GPHN: variants seen among roughly 807,000 people sequenced by gnomAD.
The protein encoded by GPHN is gephyrin.
In GPHN, 17 loss-of-function variants were observed where a neutral mutation model predicts 95.5. The observed-to-expected ratio is 0.18, with a 90% CI of 0.12 to 0.27. The LOEUF (loss-of-function observed/expected upper bound fraction) is 0.27. Ranked by LOEUF, GPHN falls within the 10% of genes least tolerant of loss-of-function variation. The probability of loss-of-function intolerance (pLI) is 1.00; values close to 1 mark genes in which losing one functional copy is unlikely to be tolerated. For synonymous variants in GPHN, 320 were observed against 322.5 expected (o/e 0.99, Z 0.08); for missense variants, 660 against 978.1 (o/e 0.67, Z 4.34).
chr14:67,656,976 T>A, the GPHN span: 1 of 158,108 alleles, frequency 6.3e-6, no homozygotes, highest in African/African-American at 2.4e-5. Flanking sequence ...GCCTGTAACT[T>A]CGATAGTGCT....
At chr14:67,469,099 G>A in the GPHN span, among the ~76,000 whole-genome samples, 1 of 152,072 alleles carries the variant, frequency 6.6e-6, no homozygotes, top group Non-Finnish European at 1.5e-5. Context: ...GACTGCTGGG[G>A]ATTTATGCTA....
At chr14:67,360,130 G>C in the GPHN span, 1 of 419,636 alleles carries the variant, frequency 2.4e-6, no homozygotes, top group Non-Finnish European at 4.2e-6. Context: ...TCATTCTTCA[G>C]AGGCAAGGAA....
chr14:67,377,017 CT>C, the GPHN span, among the ~76,000 whole-genome samples: 1 of 152,198 alleles, frequency 6.6e-6, no homozygotes, highest in Admixed American at 6.5e-5. Context: ...ACTTTCTGTT[CT>C]TTTGCCCCTG....
chr14:66,875,878 A>G (rs1311737298), intron 4 of GPHN, among the ~76,000 whole-genome samples: 6 of 152,056 alleles, frequency 3.9e-5, no homozygotes, highest in African/African-American at 1.4e-4. Flanking sequence ...TTTAGGACTT[A>G]CACTCAGCTC....
At chr14:66,916,377 T>C (rs68178754) in intron 6 of GPHN, among the ~76,000 whole-genome samples, 47,684 of 151,904 alleles carry the variant, frequency 0.31, 11,652 homozygotes, top group African/African-American at 0.66. Flanking sequence ...TGTCCTCTCC[T>C]TGTAGAGTCA....
At chr14:67,483,210 C>T in the GPHN span, among the ~76,000 whole-genome samples, 19 of 152,094 alleles carry the variant, frequency 1.2e-4, no homozygotes, top group African/African-American at 4.3e-4. Context: ...GAGGTTTCAC[C>T]ATGTTGGCCA....
the GPHN span, among the ~76,000 whole-genome samples, chr14:67,359,253 T>C: frequency 1.3e-5 from 2 of 152,226 alleles, no homozygotes; most frequent in Non-Finnish European, 2.9e-5. Context: ...AGAGCATTTA[T>C]TAAAACCTCC....
At chr14:67,586,855 C>T in the GPHN span, 217 of 1,506,444 alleles carry the variant, frequency 1.4e-4, 1 homozygote, top group African/African-American at 2.8e-3. Context: ...CAGAAGGGCA[C>T]TGTGCATCTG....
chr14:67,695,923 T>C, the GPHN span: 3 of 560,526 alleles, frequency 5.4e-6, no homozygotes, highest in Non-Finnish European at 9.5e-6. Context: ...CCCAACCATC[T>C]AGGGCTTAGG....
intron 8 of GPHN, among the ~76,000 whole-genome samples, chr14:66,931,727 CTTAG>C (rs1363561053): frequency 6.6e-6 from 1 of 152,128 alleles, no homozygotes; most frequent in Non-Finnish European, 1.5e-5. Flanking sequence ...ATTTCAGTCT[CTTAG>C]TTAAATTTAT....
chr14:67,728,299 T>C, the GPHN span: 2 of 152,270 alleles, frequency 1.3e-5, no homozygotes, highest in South Asian at 4.1e-4. Flanking sequence ...GTGTGCCATG[T>C]ACTACACATC....
chr14:67,229,890 C>T, the GPHN span, among the ~76,000 whole-genome samples: 11 of 152,158 alleles, frequency 7.2e-5, no homozygotes, highest in Non-Finnish European at 1.5e-4. Context: ...AGTCTCTTGG[C>T]CCACAGCCTA....
At chr14:67,581,028 T>G in the GPHN span, 43 of 1,607,790 alleles carry the variant, frequency 2.7e-5, no homozygotes, top group Non-Finnish European at 2.6e-6. Flanking sequence ...GAAGCTGATG[T>G]ACAAGAACAG....
At chr14:67,236,913 C>T in the GPHN span, among the ~76,000 whole-genome samples, 2 of 151,880 alleles carry the variant, frequency 1.3e-5, no homozygotes, top group African/African-American at 4.8e-5. Context: ...CATGGTGAAA[C>T]CCTGTCTCTA....
chr14:67,354,707 G>A, the GPHN span, among the ~76,000 whole-genome samples: 2 of 152,210 alleles, frequency 1.3e-5, no homozygotes, highest in Non-Finnish European at 2.9e-5. Context: ...GCAGAGAATA[G>A]TTCTAGAAAG....
chr14:67,302,400 A>G, the GPHN span: 10 of 1,505,392 alleles, frequency 6.6e-6, no homozygotes, highest in East Asian at 9.8e-5. Context: ...ATACATATAT[A>G]TATTTTTAGG....
the GPHN span, chr14:67,292,701 ACAAGATCTTGCT>A: frequency 1.2e-6 from 2 of 1,613,496 alleles, no homozygotes. Context: ...TCTCCAACGC[ACAAGATCTTGCT>A]CAAGAGGTAT....
At chr14:67,682,077 G>A in the GPHN span, among the ~76,000 whole-genome samples, 1 of 152,210 alleles carries the variant, frequency 6.6e-6, no homozygotes, top group South Asian at 2.1e-4. Context: ...CAGGCACCAT[G>A]TTCTTAGACT....
chr14:67,501,146 G>A, the GPHN span, among the ~76,000 whole-genome samples: 1 of 151,592 alleles, frequency 6.6e-6, no homozygotes, highest in Non-Finnish European at 1.5e-5. Flanking sequence ...GGGGCAACAG[G>A]TCCCAACTAG....
Sources: gnomAD v4.1 joint callset for allele counts (sites outside exome capture counted in the v4.1 genomes callset) on GRCh38, gnomAD v4.1.1 for gene constraint, MANE v1.5 for transcripts, NCBI Gene and HGNC (gene_info 2026-07-23, HGNC 2026-07-21) for gene names.